The following AUTS2 variants were observed in gnomAD, a reference collection of about 807,000 sequenced individuals.
AUTS2 encodes autism susceptibility gene 2 protein.
In AUTS2, 17 loss-of-function variants were observed where a neutral mutation model predicts 112.4. The ratio of observed to expected loss-of-function variants is 0.15; its 90% CI spans 0.10 to 0.23. The LOEUF (loss-of-function observed/expected upper bound fraction) is 0.23, where lower values mean the gene tolerates loss of function less well. Among genes scored for constraint, AUTS2 ranks in the 10% least tolerant of loss-of-function variants. The pLI is 1.00. For synonymous variants in AUTS2, 751 were observed against 702.7 expected, an observed-to-expected ratio of 1.07 and a Z score of -1.09; for missense variants, 1,510 against 1,701.6, an observed-to-expected ratio of 0.89 and a Z score of 1.98.
intron 2 of AUTS2, among the ~76,000 whole-genome samples, chr7:69,960,844 A>G (rs541656164): frequency 6.6e-6 from 1 of 151,956 alleles, no homozygotes; most frequent in Non-Finnish European, 1.5e-5. Context: ...TCCACTTTTA[A>G]TCCCTCTTAC....
chr7:70,088,916 ATCCCACACATTTTGATATGCTGTGT>A (rs1388529724), intron 2 of AUTS2, among the ~76,000 whole-genome samples: 1 of 152,090 alleles, frequency 6.6e-6, no homozygotes, highest in Non-Finnish European at 1.5e-5. Context: ...TTTTAGGTTC[ATCCCACACATTTTGATATGCTGTGT>A]TCTCATTTTT....
intron 4 of AUTS2, among the ~76,000 whole-genome samples, chr7:70,328,869 CTGCTTCTATCT>C (rs1217925011): frequency 6.6e-6 from 1 of 152,210 alleles, no homozygotes; most frequent in Admixed American, 6.5e-5. Flanking sequence ...TTTACAACCA[CTGCTTCTATCT>C]TGTTCCCAAA....
chr7:70,546,490 C>A (rs779258709), intron 5 of AUTS2, among the ~76,000 whole-genome samples: 1 of 149,584 alleles, frequency 6.7e-6, no homozygotes, highest in Non-Finnish European at 1.5e-5. Context: ...TTATAAAAAT[C>A]ATTCAGGGCC....
intron 4 of AUTS2, among the ~76,000 whole-genome samples, chr7:70,148,689 C>A (rs1468210018): frequency 6.6e-6 from 1 of 151,488 alleles, no homozygotes; most frequent in African/African-American, 2.4e-5. Flanking sequence ...GAACTCTGTT[C>A]TACTGTGTTA....
At chr7:70,692,279 T>C (rs896746177) in intron 5 of AUTS2, among the ~76,000 whole-genome samples, 1 of 152,230 alleles carries the variant, frequency 6.6e-6, no homozygotes, top group Non-Finnish European at 1.5e-5. Flanking sequence ...GCCATCGTGC[T>C]CTCAGTTTAC....
chr7:70,154,443 T>C (rs1214926014), intron 4 of AUTS2, among the ~76,000 whole-genome samples: 4 of 152,208 alleles, frequency 2.6e-5, no homozygotes, highest in South Asian at 2.1e-4. Context: ...TCTATAGATA[T>C]TTGTTATTTT....
intron 2 of AUTS2, among the ~76,000 whole-genome samples, chr7:70,086,994 C>T (rs1803642481): frequency 6.6e-6 from 1 of 150,760 alleles, no homozygotes; most frequent in East Asian, 1.9e-4. Context: ...GCTGCAATCT[C>T]TAGTATAATG....
chr7:70,155,611 A>G (rs769990298), intron 4 of AUTS2, among the ~76,000 whole-genome samples: 3 of 152,056 alleles, frequency 2.0e-5, no homozygotes, highest in Admixed American at 6.5e-5. Flanking sequence ...TATCTTTACT[A>G]GAAATCAAAG....
chr7:70,027,074 G>A (rs1800554059), intron 2 of AUTS2, among the ~76,000 whole-genome samples: 1 of 151,972 alleles, frequency 6.6e-6, no homozygotes, highest in Non-Finnish European at 1.5e-5. Context: ...TTGCCCATCT[G>A]TAGGCTAATG....
At chr7:70,441,216 G>A (rs1359395263) in intron 5 of AUTS2, among the ~76,000 whole-genome samples, 1 of 152,082 alleles carries the variant, frequency 6.6e-6, no homozygotes, top group Non-Finnish European at 1.5e-5. Context: ...TTTTCTCTCT[G>A]TGCTGTTAGC....
chr7:70,062,669 T>A (rs950213978), intron 2 of AUTS2, among the ~76,000 whole-genome samples: 1 of 152,254 alleles, frequency 6.6e-6, no homozygotes, highest in Non-Finnish European at 1.5e-5. Context: ...CTCTCTCATG[T>A]TACGCATGTT....
intron 4 of AUTS2, among the ~76,000 whole-genome samples, chr7:70,281,951 C>T (rs143813321): frequency 3.9e-5 from 6 of 152,170 alleles, no homozygotes; most frequent in African/African-American, 1.4e-4. Context: ...CCAGAACAAA[C>T]CGCATAGATT....
chr7:70,419,943 A>AG lies in AUTS2; in HGVS notation c.661-15807dup, dbSNP rs1795147186. 2.0e-5 allele frequency among the ~76,000 whole-genome samples: 3 copies of AG among 152,212 alleles called. No individual in the cohort carries two copies. In the South Asian group the frequency reaches 6.2e-4, roughly 31 times the overall value. ...ATTGACCTCTTTGCTTTTGAAAGGA[A>AG]GGATGAGTCTCCAAGGGCTAGCTAG... is the stretch of plus-strand genomic sequence containing the variant. On this transcript the variant is annotated intron_variant, in intron 4 of 18. Transcript: ENST00000342771.
chr7:70,765,109 A>T, intron 8 of AUTS2, 104 bp downstream of exon 8: 2 of 1,452,000 alleles, frequency 1.4e-6, no homozygotes, highest in Non-Finnish European at 1.8e-6. Context: ...TTTGCCTACA[A>T]TTTTTTCCTT....
At chr7:70,628,146 C>T (rs13225093) in intron 5 of AUTS2, among the ~76,000 whole-genome samples, 4,728 of 152,042 alleles carry the variant, frequency 0.031, 112 homozygotes, top group Middle Eastern at 0.11. Context: ...GGAAGCCATG[C>T]GGGCAATGTT....
intron 2 of AUTS2, among the ~76,000 whole-genome samples, chr7:70,047,995 G>C (rs1801582082): frequency 6.6e-6 from 1 of 152,106 alleles, no homozygotes; most frequent in African/African-American, 2.4e-5. Flanking sequence ...CTGCTGTATG[G>C]GAGAGTGTCT....
At chr7:69,798,778 G>T (rs866977071) in intron 1 of AUTS2, among the ~76,000 whole-genome samples, 2 of 152,022 alleles carry the variant, frequency 1.3e-5, no homozygotes, top group Non-Finnish European at 2.9e-5. Flanking sequence ...ACTGCTTGTG[G>T]CCAGAAGTTT....
At chr7:70,236,489 C>A (rs1370127388) in intron 4 of AUTS2, among the ~76,000 whole-genome samples, 3 of 152,104 alleles carry the variant, frequency 2.0e-5, no homozygotes, top group Non-Finnish European at 4.4e-5. Flanking sequence ...ACTGTCTTCT[C>A]AATAAAAAGT....
At chr7:69,650,317 G>A (rs1200551881) in intron 1 of AUTS2, among the ~76,000 whole-genome samples, 4 of 152,198 alleles carry the variant, frequency 2.6e-5, no homozygotes, top group Non-Finnish European at 5.9e-5. Flanking sequence ...ATAATAAAGA[G>A]TTAAAGCATC....
Sources: gnomAD v4.1 joint callset for allele counts (sites outside exome capture counted in the v4.1 genomes callset) on GRCh38, gnomAD v4.1.1 for gene constraint, MANE v1.5 for transcripts, NCBI Gene and HGNC (gene_info 2026-07-23, HGNC 2026-07-21) for gene names.